Variants in CC2D2B observed in about 807,000 individuals in gnomAD.
CC2D2B encodes the protein coiled-coil and C2 domain containing 2B, also known as protein CC2D2B.
Under a neutral mutation model 161.2 loss-of-function variants are expected in CC2D2B, and 128 were observed. That is an observed-to-expected ratio of 0.79 (90% CI 0.69 to 0.92). The LOEUF (loss-of-function observed/expected upper bound fraction) is 0.92. Ranked by LOEUF, CC2D2B falls within the 40% of genes least tolerant of loss-of-function variation. CC2D2B has a pLI of 0.00. For missense variants in CC2D2B, 1,173 were observed against 1,375.1 expected, an observed-to-expected ratio of 0.85 and a Z score of 2.32; for synonymous variants, 391 against 449.8, an observed-to-expected ratio of 0.87 and a Z score of 1.65.
intron 20 of CC2D2B, among the ~76,000 whole-genome samples, chr10:95,990,904 TGC>T (rs1440960655): frequency 6.6e-6 from 1 of 152,186 alleles, no homozygotes. Flanking sequence ...CTTGCCAGGC[TGC>T]CAGAATGAGG....
rs956168158 is a variant in CC2D2B, at chr10:95,974,078, A to G, written c.1865A>G (p.Tyr622Cys). 3.3e-6 allele frequency: 4 copies of G among 1,230,372 alleles called. No homozygotes were observed. The highest frequency in any genetic ancestry group is 4.1e-6 in the Non-Finnish European group (4 of 986,514). The allele number at this position is 1,230,372 out of a possible 1,614,324, so 76.2% of individuals were successfully genotyped here. ...LCLLTSGKLS[Y>C]SLSWSLDENG... ...CTTTTGACATCAGGAAAACTTAGCT[A>G]TTCTCTATCATGGAGCTTAGATGAA... Residue 622 changes from tyrosine to cysteine, a missense_variant, in exon 17 of 35, where the codon TAT becomes TGT. Tyr to Cys is a radical substitution (Grantham distance 194). This residue lies in a region of CC2D2B where 277 missense variants were observed against 420.6 expected (regional missense o/e 0.66). Transcript: ENST00000646931.
intron 34 of CC2D2B, among the ~76,000 whole-genome samples, 173 bp from the exon 35 acceptor site, chr10:96,031,645 AAT>A (rs1306067053): frequency 6.6e-6 from 1 of 152,200 alleles, no homozygotes; most frequent in East Asian, 1.9e-4. Flanking sequence ...TTGAGGATTA[AAT>A]ATGTATGTGA....
chr10:95,945,966 G>C (rs1314344495), intron 9 of CC2D2B, among the ~76,000 whole-genome samples: 3 of 151,880 alleles, frequency 2.0e-5, no homozygotes, highest in Non-Finnish European at 4.4e-5. Context: ...TGTATTTTTA[G>C]TAGAGATGGG....
chr10:96,027,535 G>T, intron 34 of CC2D2B, 146 bp downstream of exon 34: 1 of 546,644 alleles, frequency 1.8e-6, no homozygotes, highest in South Asian at 3.2e-5. Flanking sequence ...ACTTACTGAA[G>T]AATCAATATT....
intron 12 of CC2D2B, among the ~76,000 whole-genome samples, chr10:95,964,720 A>G (rs1336640836): frequency 6.6e-6 from 1 of 152,150 alleles, no homozygotes; most frequent in Non-Finnish European, 1.5e-5. Context: ...TATAGATAAT[A>G]TCTGCACTTA....
intron 5 of CC2D2B, 68 bp downstream of exon 5, chr10:95,924,912 C>A: frequency 2.1e-6 from 2 of 967,078 alleles, no homozygotes; most frequent in Non-Finnish European, 3.2e-6. Context: ...CATAGCAAAA[C>A]TTCACCCATT....
At position 95,928,731 on chromosome 10, in the gene CC2D2B, A is replaced by G. The variant is rs1364620972; in HGVS notation, c.336+1399A>G. Among the ~76,000 whole-genome samples, 3 of 116,694 alleles carry G rather than the reference A, an allele frequency of 2.6e-5. No individual in the cohort carries two copies. In the East Asian group the frequency reaches 6.0e-4, roughly 24 times the overall value. 76.6% of individuals were successfully genotyped at this position (116,694 alleles called of 152,430 possible). Reference sequence around the variant, plus strand: ...CTTCATCCATGTCCCTGCAAAGGACATGAACTCATCCTTTTTTGTCTCCAT... The same window carrying G: ...CTTCATCCATGTCCCTGCAAAGGACGTGAACTCATCCTTTTTTGTCTCCAT... On this transcript the variant is annotated intron_variant, in intron 6 of 34. Transcript: ENST00000646931.
chr10:95,947,113 A>ATATATTT (rs1289243570), intron 9 of CC2D2B, among the ~76,000 whole-genome samples: 1 of 48,386 alleles, frequency 2.1e-5, no homozygotes, highest in Non-Finnish European at 3.6e-5. Context: ...ATATATATAT[A>ATATATTT]TTTTTTTTTT....
intron 6 of CC2D2B, among the ~76,000 whole-genome samples, chr10:95,928,033 C>T (rs1392266387): frequency 6.6e-6 from 1 of 152,068 alleles, no homozygotes; most frequent in Non-Finnish European, 1.5e-5. Context: ...CTACCCAGTA[C>T]CTCTTATTCT....
intron 7 of CC2D2B, 163 bp from the exon 8 acceptor site, chr10:95,938,406 T>TAG (rs926672613): frequency 7.0e-5 from 42 of 601,230 alleles, no homozygotes; most frequent in East Asian, 3.1e-4. Flanking sequence ...TATTTATATA[T>TAG]AGAGAGAGAG....
intron 18 of CC2D2B, among the ~76,000 whole-genome samples, chr10:95,983,058 C>G (rs2077590006): frequency 6.6e-6 from 1 of 152,248 alleles, no homozygotes; most frequent in Admixed American, 6.5e-5. Context: ...AGGCATGAGC[C>G]ACTGCGCCCA....
chr10:95,955,536 C>T (rs1435781769), intron 11 of CC2D2B, 45 bp downstream of exon 11: 1 of 397,462 alleles, frequency 2.5e-6, no homozygotes, highest in Non-Finnish European at 4.4e-6. Context: ...CATTAAGTAA[C>T]TTCTTTAGAC....
intron 22 of CC2D2B, among the ~76,000 whole-genome samples, chr10:95,993,716 T>C (rs915976977): frequency 6.9e-6 from 1 of 145,104 alleles, no homozygotes; most frequent in African/African-American, 2.5e-5. Context: ...ACCAAAAAAG[T>C]AGGAGGGATA....
chr10:96,025,363 CAAAAAAAA>C (rs35860002), intron 33 of CC2D2B, among the ~76,000 whole-genome samples: 3 of 52,504 alleles, frequency 5.7e-5, no homozygotes, highest in South Asian at 7.0e-4. Context: ...TGAGGCCTTG[CAAAAAAAA>C]AAAAAAAAAA....
intron 1 of CC2D2B, among the ~76,000 whole-genome samples, chr10:95,908,915 T>C (rs1239300165): frequency 6.6e-6 from 1 of 152,068 alleles, no homozygotes; most frequent in Non-Finnish European, 1.5e-5. Context: ...ATTTTCAAAA[T>C]ATAATATGAT....
intron 25 of CC2D2B, among the ~76,000 whole-genome samples, chr10:96,005,371 G>C (rs536107449): frequency 6.6e-6 from 1 of 151,858 alleles, no homozygotes. Flanking sequence ...GACAATATTG[G>C]CATGCTCTTT....
chr10:95,953,806 T>G (rs1002333420), intron 10 of CC2D2B, among the ~76,000 whole-genome samples: 1 of 152,208 alleles, frequency 6.6e-6, no homozygotes, highest in African/African-American at 2.4e-5. Context: ...GACTTGTGGT[T>G]AGCTCTACTT....
chr10:96,006,764 G>T (rs146901577), intron 25 of CC2D2B, among the ~76,000 whole-genome samples: 1 of 152,196 alleles, frequency 6.6e-6, no homozygotes, highest in East Asian at 1.9e-4. Flanking sequence ...TTAAAGAGAT[G>T]GTCCAATCAT....
In CC2D2B at chr10:95,966,277, T is replaced by G; in HGVS notation, c.1441T>G (p.Leu481Val). The change falls in exon 14 of 35, where the codon TTA becomes GTA. Residue 481 changes from leucine to valine, a missense_variant. Around this residue, in one of 3 missense-constraint regions of CC2D2B, gnomAD observed 277 missense variants for 420.6 expected, o/e 0.66. Coordinates refer to ENST00000646931, the MANE Select transcript of CC2D2B (RefSeq NM_001349008.3). ...LRPQLSFTAE[L>V]TSLSKCSLHE... ...GCCACAACTTTCTTTCACTGCAGAA[T>G]TAACAAGCTTATCCAAGTGTTCCTT... is the stretch of plus-strand genomic sequence containing the variant. 1 of 1,201,176 alleles carries G rather than the reference T, an allele frequency of 8.3e-7. No homozygotes were observed. Among genetic ancestry groups the G allele is most frequent in the Non-Finnish European group, 1.0e-6 (1 of 960,050 alleles). 74.4% of individuals were successfully genotyped at this position (1,201,176 alleles called of 1,614,324 possible).
Sources: gnomAD v4.1 joint callset for allele counts (sites outside exome capture counted in the v4.1 genomes callset) on GRCh38, gnomAD v4.1.1 for gene constraint, gnomAD v4.1.1 regional missense constraint, MANE v1.5 for transcripts, NCBI Gene and HGNC (gene_info 2026-07-23, HGNC 2026-07-21) for gene names.